NCK2: variants seen among roughly 807,000 people sequenced by gnomAD.
The protein encoded by NCK2 is cytoplasmic protein NCK2.
In NCK2, 16 loss-of-function variants were observed where a neutral mutation model predicts 33.9. The ratio of observed to expected loss-of-function variants is 0.47; its 90% CI spans 0.32 to 0.72. The LOEUF is 0.72. Among genes scored for constraint, NCK2 ranks in the 30% least tolerant of loss-of-function variants. The probability of loss-of-function intolerance (pLI) is 0.03; values close to 1 mark genes in which losing one functional copy is unlikely to be tolerated. For missense variants in NCK2, 418 were observed against 537.3 expected (o/e 0.78, Z 2.19); for synonymous variants, 273 against 239.9 (o/e 1.14, Z -1.27).
chr2:105,771,052 A>T (rs377118531), intron 1 of NCK2, among the ~76,000 whole-genome samples: 141 of 152,092 alleles, frequency 9.3e-4, no homozygotes, highest in Non-Finnish European at 1.4e-3. Flanking sequence ...CCTCCCGAGT[A>T]GCTGGGACTA....
chr2:105,760,448 T>G (rs1302567574), intron 1 of NCK2, among the ~76,000 whole-genome samples: 3 of 152,164 alleles, frequency 2.0e-5, no homozygotes, highest in Non-Finnish European at 2.9e-5. Flanking sequence ...TGCTGTGGAT[T>G]AGCACTTGAA....
chr2:105,850,583 GC>G (rs1407272520), intron 2 of NCK2, among the ~76,000 whole-genome samples: 1 of 152,072 alleles, frequency 6.6e-6, no homozygotes, highest in Non-Finnish European at 1.5e-5. Context: ...CTCTCTTTGG[GC>G]TAGACCTGAG....
intron 2 of NCK2, among the ~76,000 whole-genome samples, chr2:105,838,310 G>GTTT (rs72497538): frequency 7.1e-6 from 1 of 140,910 alleles, no homozygotes. Context: ...TTATTAAAAT[G>GTTT]TTTTTTTTTT....
At chr2:105,769,346 G>A (rs530723951) in intron 1 of NCK2, among the ~76,000 whole-genome samples, 1 of 149,586 alleles carries the variant, frequency 6.7e-6, no homozygotes, top group African/African-American at 2.5e-5. Flanking sequence ...CAGCTGATGC[G>A]TGCCTATTTT....
intron 1 of NCK2, among the ~76,000 whole-genome samples, chr2:105,770,783 C>G (rs17031736): frequency 0.81 from 123,901 of 152,170 alleles, 50,630 homozygotes; most frequent in East Asian, 0.88. Flanking sequence ...TGTATTTCTA[C>G]CCCTTTAAAG....
At chr2:105,851,132 G>A (rs1677048316) in intron 2 of NCK2, among the ~76,000 whole-genome samples, 2 of 152,198 alleles carry the variant, frequency 1.3e-5, no homozygotes, top group African/African-American at 2.4e-5. Flanking sequence ...AGCCCAGCCC[G>A]GCTGTGTAAA....
rs1558892171 is a variant in NCK2, at chr2:105,893,185, C to CGGCCCCACACTCGCCTCCCG, written c.*18_*37dup. ...TCAGGGCCCTGCAGTGACGGCGCCC[C>CGGCCCCACACTCGCCTCCCG]GGCCCCACACTCGCCTCCCGGGCCC... On this transcript the variant is annotated 3_prime_UTR_variant, in exon 5 of 5. Transcript: ENST00000233154. The CGGCCCCACACTCGCCTCCCG allele has an allele frequency of 1.3e-6, 2 of 1,573,712 alleles. No homozygotes were observed. The highest frequency in any genetic ancestry group is 1.8e-5 in the Admixed American group (1 of 54,872).
At chr2:105,865,757 G>T (rs1384006645) in intron 3 of NCK2, among the ~76,000 whole-genome samples, 1 of 152,086 alleles carries the variant, frequency 6.6e-6, no homozygotes, top group Admixed American at 6.5e-5. Context: ...TGCCGCTGCC[G>T]CATGAGTCAT....
intron 1 of NCK2, among the ~76,000 whole-genome samples, chr2:105,764,647 T>G (rs1689876307): frequency 6.6e-6 from 1 of 152,240 alleles, no homozygotes; most frequent in South Asian, 2.1e-4. Flanking sequence ...AGATGTATTT[T>G]TCTGGCATTG....
intron 1 of NCK2, among the ~76,000 whole-genome samples, chr2:105,773,004 G>T (rs760992976): frequency 6.7e-6 from 1 of 150,304 alleles, no homozygotes; most frequent in African/African-American, 2.4e-5. Context: ...CAATCCTCCT[G>T]CCTCTGCCTC....
intron 2 of NCK2, among the ~76,000 whole-genome samples, chr2:105,840,003 G>T (rs1159966249): frequency 6.6e-6 from 1 of 152,186 alleles, no homozygotes; most frequent in African/African-American, 2.4e-5. Flanking sequence ...AGGACCTTTG[G>T]ATCTGGCAGT....
intron 1 of NCK2, among the ~76,000 whole-genome samples, chr2:105,793,791 G>A (rs1026231926): frequency 2.6e-5 from 4 of 152,144 alleles, no homozygotes; most frequent in East Asian, 1.9e-4. Flanking sequence ...TAATCACACC[G>A]GAAAGCAGGG....
intron 1 of NCK2, among the ~76,000 whole-genome samples, chr2:105,778,177 T>G (rs1690374183): frequency 6.6e-6 from 1 of 152,174 alleles, no homozygotes; most frequent in Non-Finnish European, 1.5e-5. Context: ...GTCCCGGGCT[T>G]AGAGGGGGAC....
At chr2:105,873,950 C>T (rs1267759639) in intron 3 of NCK2, among the ~76,000 whole-genome samples, 3 of 152,152 alleles carry the variant, frequency 2.0e-5, no homozygotes, top group Non-Finnish European at 4.4e-5. Flanking sequence ...GTGCCCTGAC[C>T]ACACAGATAT....
intron 3 of NCK2, among the ~76,000 whole-genome samples, chr2:105,860,825 A>G (rs548680455): frequency 1.8e-4 from 27 of 150,564 alleles, no homozygotes; most frequent in East Asian, 1.8e-3. Flanking sequence ...ATTGCCTCTC[A>G]TGCTTGGATT....
intron 1 of NCK2, among the ~76,000 whole-genome samples, chr2:105,778,352 G>C (rs17201484): frequency 0.47 from 71,737 of 152,114 alleles, 17,934 homozygotes; most frequent in African/African-American, 0.64. Context: ...TTCTAGCCTT[G>C]AGGAAAGAGC....
chr2:105,891,056 G>T (rs1573258020), intron 4 of NCK2, among the ~76,000 whole-genome samples: 1 of 152,188 alleles, frequency 6.6e-6, no homozygotes, highest in East Asian at 1.9e-4. Flanking sequence ...TACCAGCCCT[G>T]CCTCGGAGAG....
chr2:105,873,523 C>T (rs565038020), intron 3 of NCK2, among the ~76,000 whole-genome samples: 2 of 152,320 alleles, frequency 1.3e-5, no homozygotes, highest in East Asian at 3.9e-4. Flanking sequence ...CCCTCACTCC[C>T]ACACCCAAAA....
chr2:105,769,122 T>A (rs1239563750), intron 1 of NCK2, among the ~76,000 whole-genome samples: 3 of 152,202 alleles, frequency 2.0e-5, no homozygotes, highest in Non-Finnish European at 4.4e-5. Context: ...TCAGGTGTGG[T>A]GCACTGGGGC....
Sources: gnomAD v4.1 joint callset for allele counts (sites outside exome capture counted in the v4.1 genomes callset) on GRCh38, gnomAD v4.1.1 for gene constraint, MANE v1.5 for transcripts, NCBI Gene and HGNC (gene_info 2026-07-23, HGNC 2026-07-21) for gene names.